The following NCOA5 variants were observed in gnomAD, a reference collection of about 807,000 sequenced individuals.
NCOA5 encodes the protein nuclear receptor coactivator 5, also known as NCoA-5.
NCOA5 carries 12 observed loss-of-function variants against 59.0 expected under a neutral mutation model. The ratio of observed to expected loss-of-function variants is 0.20; its 90% CI spans 0.13 to 0.33. The LOEUF (loss-of-function observed/expected upper bound fraction) is 0.33. NCOA5 is among the 10% of genes least tolerant of loss of function. The pLI, the probability that NCOA5 is intolerant of heterozygous loss-of-function variation, is 1.00. For synonymous variants in NCOA5, 270 were observed against 275.5 expected, an observed-to-expected ratio of 0.98 and a Z score of 0.20; for missense variants, 655 against 766.6, an observed-to-expected ratio of 0.85 and a Z score of 1.72.
Position 46,062,327 on chromosome 20 carries a change from G to T in NCOA5, c.1713C>A (p.Pro571=). 6.2e-7 allele frequency: 1 copy of T among 1,613,798 alleles called. No homozygotes were observed. Among genetic ancestry groups the T allele is most frequent in the East Asian group, 2.2e-5 (1 of 44,866 alleles). Residue 571 remains proline (P), a synonymous_variant, in exon 8 of 8, where the codon CCC becomes CCA. Coordinates refer to ENST00000290231, the MANE Select transcript of NCOA5 (RefSeq NM_020967.3). The stretch of plus-strand genomic sequence containing the variant: ...AGTAATGCCTCTGGTAAGATCCCAT[G>T]GGGGCCTGTGGCTGCCCCATCTGTG... The part of the protein sequence containing the change: ...TTAQMGQPQA[P]MGSYQRHY
intron 1 of NCOA5, among the ~76,000 whole-genome samples, chr20:46,080,143 A>G (rs1384810875): frequency 6.6e-6 from 1 of 152,230 alleles, no homozygotes; most frequent in Non-Finnish European, 1.5e-5. Flanking sequence ...AGTTGTTTTC[A>G]TTAGAGAAGG....
intron 2 of NCOA5, among the ~76,000 whole-genome samples, chr20:46,071,101 G>C (rs2084878091): frequency 6.6e-6 from 1 of 151,352 alleles, no homozygotes; most frequent in South Asian, 2.1e-4. Context: ...TCAATCTGAG[G>C]GTTTACGTAG....
intron 1 of NCOA5, among the ~76,000 whole-genome samples, chr20:46,084,870 A>C (rs929252532): frequency 2.0e-5 from 3 of 152,230 alleles, no homozygotes; most frequent in African/African-American, 7.2e-5. Context: ...TTTTCAACTA[A>C]ACTGTACAAG....
chr20:46,069,485 C>G (rs1377663906), intron 3 of NCOA5, among the ~76,000 whole-genome samples: 1 of 152,212 alleles, frequency 6.6e-6, no homozygotes, highest in Non-Finnish European at 1.5e-5. Flanking sequence ...CCTGTAATCT[C>G]AGCACTTTGG....
chr20:46,069,087 C>A (rs186596847), intron 3 of NCOA5, among the ~76,000 whole-genome samples: 5 of 152,034 alleles, frequency 3.3e-5, no homozygotes, highest in Admixed American at 1.3e-4. Flanking sequence ...GCTGGGATTA[C>A]AGGCGTGAGC....
Position 46,070,514 on chromosome 20 carries a change from T to C in NCOA5, c.61A>G (p.Ser21Gly), listed in dbSNP as rs769503631. 18 of 1,613,916 alleles carry C rather than the reference T, an allele frequency of 1.1e-5. No individual in the cohort carries two copies. The highest frequency in any genetic ancestry group is 5.0e-5 in the Admixed American group (3 of 59,998). The part of the protein sequence containing the change: ...TRRDPYGFGD[S>G]RDSRRDRSPI... ...GATCGATCACGCCTTGAATCTCGAC[T>C]GTCTCCAAAGCCATATGGATCCCTG... is the stretch of plus-strand genomic sequence containing the variant. Residue 21 changes from serine to glycine, a missense_variant, in exon 3 of 8, where the codon AGT (serine) becomes GGT (glycine). Ser to Gly is a moderately conservative substitution (Grantham distance 56). Transcript: ENST00000290231.
chr20:46,084,679 C>T (rs990322024), intron 1 of NCOA5, among the ~76,000 whole-genome samples: 2 of 152,202 alleles, frequency 1.3e-5, no homozygotes, highest in Admixed American at 1.3e-4. Flanking sequence ...TTTGATTTCT[C>T]TGAATCTATA....
chr20:46,073,766 A>T (rs1600625740), intron 2 of NCOA5, among the ~76,000 whole-genome samples: 1 of 149,612 alleles, frequency 6.7e-6, no homozygotes, highest in Non-Finnish European at 1.5e-5. Context: ...TATAAGTGTT[A>T]TGTTATGATT....
intron 7 of NCOA5, among the ~76,000 whole-genome samples, chr20:46,063,111 C>A (rs1321169566): frequency 6.6e-6 from 1 of 152,230 alleles, no homozygotes; most frequent in East Asian, 1.9e-4. Flanking sequence ...GGCATCCATC[C>A]TGGCTACCAC....
intron 2 of NCOA5, among the ~76,000 whole-genome samples, chr20:46,072,621 A>G (rs1260539496): frequency 6.6e-6 from 1 of 152,110 alleles, no homozygotes; most frequent in African/African-American, 2.4e-5. Flanking sequence ...TCTTTGCCAC[A>G]CCGGCCTTTC....
intron 1 of NCOA5, among the ~76,000 whole-genome samples, chr20:46,082,289 T>A (rs758644271): frequency 6.6e-5 from 10 of 152,158 alleles, no homozygotes; most frequent in Non-Finnish European, 1.0e-4. Flanking sequence ...ATCAGATTAT[T>A]TTCTCCTAAA....
chr20:46,088,783 A>G (rs2085069285), intron 1 of NCOA5, among the ~76,000 whole-genome samples: 2 of 152,268 alleles, frequency 1.3e-5, no homozygotes, highest in African/African-American at 2.4e-5. Context: ...TTCTGTGCAC[A>G]GAGTGCAAGC....
At chr20:46,071,675 T>C (rs1180120955) in intron 2 of NCOA5, among the ~76,000 whole-genome samples, 1 of 152,252 alleles carries the variant, frequency 6.6e-6, no homozygotes, top group Non-Finnish European at 1.5e-5. Context: ...TTAATTCTTA[T>C]AACTCACAAG....
At chr20:46,089,193 C>G (rs919452086) in intron 1 of NCOA5, among the ~76,000 whole-genome samples, 1 of 152,112 alleles carries the variant, frequency 6.6e-6, no homozygotes, top group Non-Finnish European at 1.5e-5. Context: ...GACGCTGGCG[C>G]TGAGCTACGT....
In NCOA5 at chr20:46,069,353, CATA is replaced by C. The variant is rs1292388893; in HGVS notation, c.366-718_366-716del. On this transcript the variant is annotated intron_variant, in intron 3 of 7. Coordinates refer to ENST00000290231, the MANE Select transcript of NCOA5 (RefSeq NM_020967.3). ...CTTATGTCTGGCTTATTTCACTTAG[CATA>C]ATGTTTTCAACGTCCTTCATGCTGT... 5.9e-5 allele frequency among the ~76,000 whole-genome samples: 9 copies of C among 152,332 alleles called. No homozygotes were observed. In the South Asian group the frequency reaches 6.2e-4, roughly 11 times the overall value.
At chr20:46,086,000 A>G (rs1055837086) in intron 1 of NCOA5, among the ~76,000 whole-genome samples, 1 of 152,216 alleles carries the variant, frequency 6.6e-6, no homozygotes, top group African/African-American at 2.4e-5. Flanking sequence ...CTTTCAATAA[A>G]GGGCTCCCAT....
In NCOA5 at chr20:46,063,584, A is replaced by G. The variant is rs2084791317; in HGVS notation, c.926T>C (p.Ile309Thr). 1 of 1,613,926 alleles carries G rather than the reference A, an allele frequency of 6.2e-7. No individual in the cohort carries two copies. Among genetic ancestry groups the G allele is most frequent in the Non-Finnish European group, 8.5e-7 (1 of 1,180,012 alleles). Residue 309 changes from isoleucine to threonine, a missense_variant, in exon 7 of 8, where the codon ATT becomes ACT. By Grantham distance (89) the Ile-to-Thr change is moderately conservative. Coordinates refer to ENST00000290231, the MANE Select transcript of NCOA5 (RefSeq NM_020967.3). ...NECREKEREE[I>T]ARQAAKMADE... Reference sequence around the variant, plus strand: ...GGCCATCTTGGCTGCCTGTCTGGCAATCTCCTCACGTTCCTTCTCCCGGCA... The same window carrying G: ...GGCCATCTTGGCTGCCTGTCTGGCAGTCTCCTCACGTTCCTTCTCCCGGCA...
intron 1 of NCOA5, among the ~76,000 whole-genome samples, chr20:46,088,015 A>G (rs1391962513): frequency 6.6e-6 from 1 of 152,082 alleles, no homozygotes; most frequent in African/African-American, 2.4e-5. Context: ...TTTTTTACAC[A>G]GCCTTTGAGG....
chr20:46,070,230 G>A lies in NCOA5; in HGVS notation c.345C>T (p.Asp115=). 1 of 1,613,884 alleles carries A rather than the reference G, an allele frequency of 6.2e-7. No individual in the cohort carries two copies. Among genetic ancestry groups the A allele is most frequent in the Non-Finnish European group, 8.5e-7 (1 of 1,179,878 alleles). ...TGTACCTGTACATAGGATCTCGGGA[G>A]TCTCTCATGTCTCTGTATCTGTCGT... ...PMYDRYRDMR[D]SRDPMYRREG... The change falls in exon 3 of 8, where the codon GAC becomes GAT. Residue 115 remains aspartate, a synonymous_variant. Coordinates refer to ENST00000290231, the MANE Select transcript of NCOA5 (RefSeq NM_020967.3).
Sources: gnomAD v4.1 joint callset for allele counts (sites outside exome capture counted in the v4.1 genomes callset) on GRCh38, gnomAD v4.1.1 for gene constraint, MANE v1.5 for transcripts, NCBI Gene and HGNC (gene_info 2026-07-23, HGNC 2026-07-21) for gene names.